Variants in CPNE4 observed in about 807,000 individuals in gnomAD.
The protein encoded by CPNE4 is copine 4, also known as copine-4.
In CPNE4, 25 loss-of-function variants were observed where a neutral mutation model predicts 67.9. The observed-to-expected ratio is 0.37, with a 90% CI of 0.27 to 0.51. The LOEUF is 0.51. CPNE4 is among the 20% of genes least tolerant of loss of function. The pLI is 0.93. For synonymous variants in CPNE4, 242 were observed against 244.9 expected, an observed-to-expected ratio of 0.99 and a Z score of 0.11; for missense variants, 464 against 690.8, an observed-to-expected ratio of 0.67 and a Z score of 3.68.
intron 1 of CPNE4, among the ~76,000 whole-genome samples, chr3:131,957,619 T>G (rs1350990966): frequency 1.3e-5 from 2 of 152,234 alleles, no homozygotes; most frequent in Non-Finnish European, 2.9e-5. Flanking sequence ...AAAGCTCTTC[T>G]GACCTCATGC....
At chr3:131,801,165 T>C (rs1271475781) in intron 2 of CPNE4, among the ~76,000 whole-genome samples, 1 of 151,672 alleles carries the variant, frequency 6.6e-6, no homozygotes, top group African/African-American at 2.4e-5. Flanking sequence ...CTTGGAGAAA[T>C]AAACTGCTTC....
intron 6 of CPNE4, among the ~76,000 whole-genome samples, chr3:131,679,058 G>A (rs1298627642): frequency 2.0e-5 from 3 of 152,050 alleles, no homozygotes; most frequent in Admixed American, 1.3e-4. Context: ...GTCTGGTCCT[G>A]GGCTTTGGTT....
intron 2 of CPNE4, among the ~76,000 whole-genome samples, chr3:131,810,521 AG>A (rs1377679664): frequency 2.6e-5 from 4 of 152,120 alleles, no homozygotes; most frequent in African/African-American, 4.8e-5. Flanking sequence ...GATTAAAAAA[AG>A]GTAAGTGTTA....
At chr3:131,791,380 A>G (rs972663611) in intron 2 of CPNE4, among the ~76,000 whole-genome samples, 11 of 152,202 alleles carry the variant, frequency 7.2e-5, no homozygotes, top group Admixed American at 2.0e-4. Context: ...CTGACAAGTC[A>G]ATGAGGTCTA....
intron 2 of CPNE4, among the ~76,000 whole-genome samples, chr3:131,901,106 T>C (rs2088537301): frequency 1.3e-5 from 2 of 152,128 alleles, no homozygotes; most frequent in Admixed American, 1.3e-4. Context: ...AGCTTGATTC[T>C]ACCCAGGCAT....
intron 1 of CPNE4, among the ~76,000 whole-genome samples, chr3:131,978,197 A>T (rs1476508358): frequency 7.8e-5 from 4 of 51,084 alleles, no homozygotes; most frequent in African/African-American, 5.4e-4. Flanking sequence ...TATATTTATA[A>T]TTATTATATA....
chr3:131,669,141 T>C (rs7432633), intron 7 of CPNE4, among the ~76,000 whole-genome samples: 142,915 of 152,024 alleles, frequency 0.94, 67,597 homozygotes, highest in Middle Eastern at 0.98. Context: ...CCCCACCCCT[T>C]CTCTCATTCC....
At chr3:131,622,040 G>GA (rs1940505637) in intron 7 of CPNE4, among the ~76,000 whole-genome samples, 2 of 128,868 alleles carry the variant, frequency 1.6e-5, no homozygotes, top group Non-Finnish European at 1.7e-5. Context: ...AAAAAAAAAA[G>GA]AAAAGAAAAA....
At chr3:131,659,164 G>C (rs1560066632) in intron 7 of CPNE4, among the ~76,000 whole-genome samples, 1 of 152,202 alleles carries the variant, frequency 6.6e-6, no homozygotes, top group Non-Finnish European at 1.5e-5. Context: ...AATCAAGTAA[G>C]AGCAACCAGC....
chr3:131,699,837 T>G, intron 4 of CPNE4, 72 bp downstream of exon 4: 3 of 1,204,612 alleles, frequency 2.5e-6, no homozygotes, highest in Non-Finnish European at 3.6e-6. Flanking sequence ...TTCCCAAGTG[T>G]CTGGTTTGGG....
intron 3 of CPNE4, among the ~76,000 whole-genome samples, chr3:131,717,902 C>CT (rs879884515): frequency 7.7e-6 from 1 of 129,214 alleles, no homozygotes; most frequent in Non-Finnish European, 1.7e-5. Context: ...TTCTTTCTTT[C>CT]TTTCTTTCTT....
rs181130418 is a variant in CPNE4, at chr3:131,791,011, T to C, written c.181-67386A>G. On this transcript the variant is annotated intron_variant, in intron 2 of 15. Coordinates refer to ENST00000429747, the MANE Select transcript of CPNE4 (RefSeq NM_130808.3). ...GTTTGGATTGAGTTTTCATTACAATTTTAAGTACAACATTGATCAAAACAA... is the reference window on the plus strand; with the variant it reads ...GTTTGGATTGAGTTTTCATTACAATCTTAAGTACAACATTGATCAAAACAA... 2.6e-4 allele frequency among the ~76,000 whole-genome samples: 40 copies of C among 152,276 alleles called. No individual in the cohort carries two copies. In the East Asian group the frequency reaches 6.9e-3, roughly 26 times the overall value.
chr3:131,829,322 T>C (rs949417470), intron 2 of CPNE4, among the ~76,000 whole-genome samples: 1 of 152,210 alleles, frequency 6.6e-6, no homozygotes, highest in East Asian at 1.9e-4. Flanking sequence ...TGAGAAATGG[T>C]GTATTTTTTG....
chr3:131,569,938 G>A (rs996174608), intron 10 of CPNE4, among the ~76,000 whole-genome samples: 11 of 151,938 alleles, frequency 7.2e-5, no homozygotes, highest in African/African-American at 1.9e-4. Flanking sequence ...CACTAGGCTG[G>A]TAAGTCATAT....
chr3:131,963,345 T>C (rs1027045879), intron 1 of CPNE4, among the ~76,000 whole-genome samples: 3 of 151,912 alleles, frequency 2.0e-5, no homozygotes, highest in Non-Finnish European at 4.4e-5. Flanking sequence ...AGCTGCAGTT[T>C]TTTTTTTTCA....
At chr3:132,016,191 A>G (rs1013066056) in intron 1 of CPNE4, among the ~76,000 whole-genome samples, 2 of 152,234 alleles carry the variant, frequency 1.3e-5, no homozygotes, top group African/African-American at 4.8e-5. Context: ...ATTGAACTCA[A>G]TCATACTAGA....
At chr3:131,570,684 A>G (rs533682616) in intron 10 of CPNE4, among the ~76,000 whole-genome samples, 1 of 152,182 alleles carries the variant, frequency 6.6e-6, no homozygotes, top group South Asian at 2.1e-4. Flanking sequence ...TTAAGGATTC[A>G]TGTGAGGTAC....
At chr3:131,919,558 C>A (rs1030418281) in intron 1 of CPNE4, among the ~76,000 whole-genome samples, 5 of 152,148 alleles carry the variant, frequency 3.3e-5, no homozygotes, top group Non-Finnish European at 2.9e-5. Flanking sequence ...GGGAGGGATA[C>A]AAGAAGGCTT....
At chr3:131,783,267 C>G (rs564564301) in intron 2 of CPNE4, among the ~76,000 whole-genome samples, 3 of 152,098 alleles carry the variant, frequency 2.0e-5, no homozygotes, top group Non-Finnish European at 4.4e-5. Context: ...CATATCTGAT[C>G]TTCTCAACCA....
Sources: gnomAD v4.1 joint callset for allele counts (sites outside exome capture counted in the v4.1 genomes callset) on GRCh38, gnomAD v4.1.1 for gene constraint, MANE v1.5 for transcripts, NCBI Gene and HGNC (gene_info 2026-07-23, HGNC 2026-07-21) for gene names.